PICALM: variants seen among roughly 807,000 people sequenced by gnomAD.
PICALM encodes phosphatidylinositol binding clathrin assembly protein.
Under a neutral mutation model 80.5 loss-of-function variants are expected in PICALM, and 40 were observed. The ratio of observed to expected loss-of-function variants is 0.50; its 90% CI spans 0.39 to 0.65. The LOEUF (loss-of-function observed/expected upper bound fraction) is 0.65, where lower values mean the gene tolerates loss of function less well. PICALM is among the 30% of genes least tolerant of loss of function. PICALM has a pLI of 0.00. For missense variants in PICALM, 676 were observed against 778.9 expected, an observed-to-expected ratio of 0.87 and a Z score of 1.57; for synonymous variants, 288 against 260.3, an observed-to-expected ratio of 1.11 and a Z score of -1.02.
In PICALM at chr11:86,003,416, A is replaced by G. The variant is rs1327645650; in HGVS notation, c.843T>C (p.His281=). 1 of 1,601,292 alleles carries G rather than the reference A, an allele frequency of 6.2e-7. No homozygotes were observed. Among genetic ancestry groups the G allele is most frequent in the South Asian group, 1.1e-5 (1 of 90,008 alleles). The change falls in exon 9 of 20, where the codon CAT becomes CAC. Residue 281 remains histidine, a synonymous_variant. Coordinates refer to ENST00000393346, the MANE Select transcript of PICALM (RefSeq NM_007166.4). The part of the protein sequence containing the change: ...PSSLLDALEQ[H]LASLEGKKIK... ...TTTTCTTTCCTTCCAAGGAAGCTAA[A>G]TGTTGTTCCAAAGCATCAAGAAGAC...
At chr11:85,962,788 T>A (rs1402687163) in intron 19 of PICALM, among the ~76,000 whole-genome samples, 2 of 152,194 alleles carry the variant, frequency 1.3e-5, no homozygotes, top group African/African-American at 4.8e-5. Context: ...AATATCTGTA[T>A]CAAGCGGATG....
intron 4 of PICALM, among the ~76,000 whole-genome samples, chr11:86,019,113 TTTA>T (rs1389888584): frequency 6.6e-6 from 1 of 152,148 alleles, no homozygotes; most frequent in African/African-American, 2.4e-5. Context: ...TTTCTTAAAT[TTTA>T]TTACTTTTGT....
Position 86,013,680 on chromosome 11 carries a change from G to A in PICALM, c.546+1190C>T, listed in dbSNP as rs2136318633. On this transcript the variant is annotated intron_variant, in intron 5 of 19. Coordinates refer to ENST00000393346, the MANE Select transcript of PICALM (RefSeq NM_007166.4). ...ATTTTAAACAAATACAATATATTAA[G>A]AAAAATATGCATGGTTGGACCCTGA... is the stretch of plus-strand genomic sequence containing the variant. Among the ~76,000 whole-genome samples the A allele has an allele frequency of 2.0e-5, 3 of 152,222 alleles. No individual in the cohort carries two copies. The South Asian group carries it at 6.2e-4, about 31-fold the overall frequency.
chr11:86,022,508 GAC>G lies in PICALM; in HGVS notation c.350-41_350-40del, dbSNP rs766836971. The G allele has an allele frequency of 1.3e-5, 14 of 1,111,962 alleles. No homozygotes were observed. In the East Asian group the frequency reaches 3.4e-4, roughly 27 times the overall value. 68.9% of individuals were successfully genotyped at this position (1,111,962 alleles called of 1,614,324 possible). ...AAAACAAAAACAAAACAAAGAGAGA[GAC>G]AAGTTTTTATAAATGACTAAAAATC... is the stretch of plus-strand genomic sequence containing the variant. On this transcript the variant is annotated intron_variant, in intron 3 of 19. Transcript: ENST00000393346.
At chr11:85,959,563 G>A (rs1482777506) in intron 19 of PICALM, among the ~76,000 whole-genome samples, 1 of 150,554 alleles carries the variant, frequency 6.6e-6, no homozygotes, top group Non-Finnish European at 1.5e-5. Flanking sequence ...AACCCAGGAG[G>A]TGGAGGTTGC....
intron 1 of PICALM, among the ~76,000 whole-genome samples, chr11:86,064,499 T>G (rs921687148): frequency 6.6e-6 from 1 of 150,630 alleles, no homozygotes; most frequent in Non-Finnish European, 1.5e-5. Context: ...CCTGTCTGTA[T>G]AAAAATTAAA....
chr11:86,018,537 A>G (rs2095515602), intron 4 of PICALM, among the ~76,000 whole-genome samples: 2 of 152,188 alleles, frequency 1.3e-5, no homozygotes, highest in South Asian at 2.1e-4. Context: ...TAAGATTAAA[A>G]AAAGGGAATA....
chr11:85,978,664 T>C (rs2094351260), intron 17 of PICALM: 1 of 152,092 alleles, frequency 6.6e-6, no homozygotes, highest in East Asian at 1.9e-4. Flanking sequence ...TACATATAAA[T>C]ATTTAAGCAA....
intron 19 of PICALM, among the ~76,000 whole-genome samples, chr11:85,959,867 A>G (rs969860889): frequency 2.6e-5 from 4 of 152,038 alleles, no homozygotes; most frequent in African/African-American, 9.7e-5. Context: ...GGCATAAGCA[A>G]CCACATCCAG....
chr11:86,062,508 A>C (rs1444679526), intron 1 of PICALM, among the ~76,000 whole-genome samples: 1 of 151,836 alleles, frequency 6.6e-6, no homozygotes, highest in Non-Finnish European at 1.5e-5. Context: ...ACAAGAGCGA[A>C]ACTCCGTCTC....
chr11:85,976,044 C>T (rs983231631), intron 18 of PICALM, among the ~76,000 whole-genome samples: 1 of 152,180 alleles, frequency 6.6e-6, no homozygotes, highest in African/African-American at 2.4e-5. Flanking sequence ...TGCCTTCTAC[C>T]AGGAACAGTT....
chr11:85,966,268 G>A (rs549940061), intron 19 of PICALM, among the ~76,000 whole-genome samples: 3 of 152,134 alleles, frequency 2.0e-5, no homozygotes, highest in African/African-American at 7.2e-5. Flanking sequence ...GTACAGTGGT[G>A]TGATCATTGC....
At chr11:86,008,893 G>C (rs1270085908) in intron 7 of PICALM, among the ~76,000 whole-genome samples, 1 of 130,138 alleles carries the variant, frequency 7.7e-6, no homozygotes, top group Non-Finnish European at 1.5e-5. Context: ...AGGAGTTTGA[G>C]ACCTGCCTGG....
At position 85,976,619 on chromosome 11, in the gene PICALM, T is replaced by C; in HGVS notation, c.1839+4A>G. 1 of 1,567,304 alleles carries C rather than the reference T, an allele frequency of 6.4e-7. No individual in the cohort carries two copies. Among genetic ancestry groups the C allele is most frequent in the Non-Finnish European group, 8.8e-7 (1 of 1,137,442 alleles). On this transcript the variant is annotated splice_donor_region_variant and intron_variant, in intron 18 of 19. Transcript: ENST00000393346. ...CCAAAAGCTGTACCTAGGAAAATACTTACAATTCCATATCCTATCATGCCT... is the reference window on the plus strand; with the variant it reads ...CCAAAAGCTGTACCTAGGAAAATACCTACAATTCCATATCCTATCATGCCT...
chr11:86,054,494 A>G (rs1353617585), intron 1 of PICALM, among the ~76,000 whole-genome samples: 1 of 152,096 alleles, frequency 6.6e-6, no homozygotes, highest in East Asian at 1.9e-4. Context: ...TTTGCATTCT[A>G]CCACACAAAA....
chr11:85,997,076 T>A lies in PICALM; in HGVS notation c.1155-147A>T, dbSNP rs61537781. 7.7e-3 allele frequency: 4,121 copies of A among 535,444 alleles called. 142 individuals carry two copies. The highest frequency in any genetic ancestry group is 0.071 in the African/African-American group (3,633 of 51,252). 33.2% of individuals were successfully genotyped at this position (535,444 alleles called of 1,614,324 possible). On this transcript the variant is annotated intron_variant, in intron 11 of 19. Coordinates refer to ENST00000393346, the MANE Select transcript of PICALM (RefSeq NM_007166.4). The stretch of plus-strand genomic sequence containing the variant: ...AAATCTCAAAAGAGGAACAGTTTCT[T>A]CATATGACAGCATATTTCTAAGGAG...
At chr11:85,979,697 A>T (rs186460980) in intron 17 of PICALM, among the ~76,000 whole-genome samples, 1 of 152,188 alleles carries the variant, frequency 6.6e-6, no homozygotes, top group Non-Finnish European at 1.5e-5. Context: ...TAATTTTAAC[A>T]TATCATTAAC....
intron 2 of PICALM, among the ~76,000 whole-genome samples, chr11:86,027,061 TA>T (rs1454401986): frequency 3.2e-4 from 49 of 152,354 alleles, no homozygotes; most frequent in African/African-American, 9.9e-4. Flanking sequence ...AACTTTTCCC[TA>T]AGAATTGTCC....
At chr11:85,983,311 C>T (rs1028191094) in intron 14 of PICALM, among the ~76,000 whole-genome samples, 6 of 152,134 alleles carry the variant, frequency 3.9e-5, no homozygotes, top group African/African-American at 1.4e-4. Flanking sequence ...AAAGTGGAAA[C>T]CTGGTTCTAC....
Sources: allele counts gnomAD v4.1 joint callset (sites outside exome capture counted in the v4.1 genomes callset), GRCh38; gene constraint gnomAD v4.1.1; transcripts MANE v1.5; gene names NCBI Gene and HGNC (gene_info 2026-07-23, HGNC 2026-07-21).